The following WWOX variants were observed in gnomAD, a reference collection of about 807,000 sequenced individuals.
WWOX encodes WW domain-containing oxidoreductase.
WWOX carries 69 observed loss-of-function variants against 46.2 expected under a neutral mutation model. The observed-to-expected ratio is 1.49, with a 90% CI of 1.23 to 1.82. WWOX has a LOEUF of 1.82. Among genes scored for constraint, WWOX ranks in the 40% most tolerant of loss-of-function variants. The pLI is 0.00. For missense variants in WWOX, 919 were observed against 542.6 expected (o/e 1.69, Z -6.89); for synonymous variants, 359 against 202.6 (o/e 1.77, Z -6.56).
intron 5 of WWOX, among the ~76,000 whole-genome samples, chr16:78,197,448 CT>C (rs1226037098): frequency 6.6e-6 from 1 of 152,184 alleles, no homozygotes; most frequent in South Asian, 2.1e-4. Flanking sequence ...CATTTTGTAA[CT>C]TTTTTGACTG....
chr16:78,558,150 C>G (rs985242140), intron 8 of WWOX, among the ~76,000 whole-genome samples: 1 of 152,158 alleles, frequency 6.6e-6, no homozygotes, highest in African/African-American at 2.4e-5. Context: ...TGGGCAGCAG[C>G]TGCCCTGGCT....
intron 5 of WWOX, among the ~76,000 whole-genome samples, chr16:78,220,274 A>G (rs539043736): frequency 1.3e-5 from 2 of 152,240 alleles, no homozygotes; most frequent in East Asian, 1.9e-4. Context: ...TGTGATGGAT[A>G]CTTCTATTAC....
Position 79,131,047 on chromosome 16 carries a change from C to G in WWOX, c.1057-80561C>G, listed in dbSNP as rs367753845. Among the ~76,000 whole-genome samples, 5 of 152,186 alleles carry G rather than the reference C, an allele frequency of 3.3e-5. No homozygotes were observed. The East Asian group carries it at 5.8e-4, about 18-fold the overall frequency. On this transcript the variant is annotated intron_variant, in intron 8 of 8. Coordinates refer to ENST00000566780, the MANE Select transcript of WWOX (RefSeq NM_016373.4). The stretch of plus-strand genomic sequence containing the variant: ...ATATCACAACCAGAACACACAATGA[C>G]CAGCAGGCTTCTCTTTTTTTGTTTG...
At chr16:78,782,038 G>A (rs1183575065) in intron 8 of WWOX, among the ~76,000 whole-genome samples, 2 of 152,190 alleles carry the variant, frequency 1.3e-5, no homozygotes, top group Non-Finnish European at 2.9e-5. Context: ...AGATTTTGGT[G>A]AACTCTCTGT....
chr16:79,042,199 G>T (rs545845709), intron 8 of WWOX, among the ~76,000 whole-genome samples: 1 of 151,990 alleles, frequency 6.6e-6, no homozygotes, highest in Admixed American at 6.5e-5. Context: ...CCTAGCTGGG[G>T]TTGGAAACTC....
chr16:78,636,923 C>G (rs1289324148), intron 8 of WWOX, among the ~76,000 whole-genome samples: 1 of 152,148 alleles, frequency 6.6e-6, no homozygotes, highest in African/African-American at 2.4e-5. Flanking sequence ...AGTTAAAACT[C>G]CTTATCTGGT....
chr16:78,406,166 C>A (rs2082526951), intron 6 of WWOX, among the ~76,000 whole-genome samples: 1 of 151,174 alleles, frequency 6.6e-6, no homozygotes. Flanking sequence ...GTCATTTTTG[C>A]AAAATCACTG....
intron 8 of WWOX, among the ~76,000 whole-genome samples, chr16:78,624,197 T>C (rs957495210): frequency 6.8e-6 from 1 of 147,852 alleles, no homozygotes; most frequent in Non-Finnish European, 1.5e-5. Flanking sequence ...TATTTATTTA[T>C]TTTCTAATCT....
At position 79,110,091 on chromosome 16, in the gene WWOX, A is replaced by G. The variant is rs116601224; in HGVS notation, c.1057-101517A>G. Among the ~76,000 whole-genome samples the G allele has an allele frequency of 8.5e-3, 1,297 of 152,282 alleles. 12 individuals are homozygous for G. The highest frequency in any genetic ancestry group is 0.029 in the African/African-American group (1,206 of 41,542). On this transcript the variant is annotated intron_variant, in intron 8 of 8. Transcript: ENST00000566780. ...TTATTGGGCTTTCAGACTTTCGCTT[A>G]GCAACCTCATTGCACCCAGGACCCC...
intron 8 of WWOX, among the ~76,000 whole-genome samples, chr16:78,988,730 G>T (rs901960352): frequency 6.6e-6 from 1 of 152,196 alleles, no homozygotes; most frequent in African/African-American, 2.4e-5. Flanking sequence ...GGAGATTCCT[G>T]CATAGCTGTC....
chr16:78,681,839 G>T (rs1279034674), intron 8 of WWOX, among the ~76,000 whole-genome samples: 2 of 152,150 alleles, frequency 1.3e-5, no homozygotes, highest in Non-Finnish European at 2.9e-5. Flanking sequence ...TTCAACTTTG[G>T]TGTGAGACTC....
intron 6 of WWOX, among the ~76,000 whole-genome samples, chr16:78,399,000 G>C (rs1280833639): frequency 1.3e-5 from 2 of 151,972 alleles, no homozygotes; most frequent in African/African-American, 4.8e-5. Flanking sequence ...GTACAAGGAA[G>C]GGGATGAGTG....
intron 8 of WWOX, among the ~76,000 whole-genome samples, chr16:78,867,484 T>TTG (rs4035599): frequency 0.13 from 19,551 of 148,844 alleles, 1,474 homozygotes; most frequent in East Asian, 0.39. Flanking sequence ...TTAAATGATT[T>TTG]TGTGTGTGTG....
intron 1 of WWOX, chr16:78,100,310 G>A: frequency 1.0e-6 from 1 of 989,746 alleles, no homozygotes; most frequent in Non-Finnish European, 1.2e-6. Flanking sequence ...TGGAGTGCAG[G>A]GGTGCCATCA....
intron 8 of WWOX, among the ~76,000 whole-genome samples, chr16:79,133,567 A>T (rs2150700808): frequency 6.6e-6 from 1 of 152,254 alleles, no homozygotes; most frequent in East Asian, 1.9e-4. Flanking sequence ...CTGTTTCTTT[A>T]TTATTTTAAT....
chr16:78,410,437 C>G (rs1031094087), intron 6 of WWOX, among the ~76,000 whole-genome samples: 9 of 152,122 alleles, frequency 5.9e-5, no homozygotes, highest in East Asian at 3.9e-4. Flanking sequence ...TTCCCAGTTA[C>G]TATTTTTGTG....
chr16:78,985,902 C>G (rs547330935), intron 8 of WWOX, among the ~76,000 whole-genome samples: 122 of 152,342 alleles, frequency 8.0e-4, no homozygotes, highest in Admixed American at 2.2e-3. Flanking sequence ...TCCCGTCAGC[C>G]AGGATCCCTC....
chr16:78,472,836 A>AAAAAAAAAAAT (rs1421843878), intron 8 of WWOX, among the ~76,000 whole-genome samples: 1 of 135,532 alleles, frequency 7.4e-6, no homozygotes, highest in African/African-American at 2.8e-5. Context: ...AAAAAAAAAA[A>AAAAAAAAAAAT]TTATGTCATT....
At chr16:78,398,761 G>C (rs1370053307) in intron 6 of WWOX, among the ~76,000 whole-genome samples, 1 of 152,142 alleles carries the variant, frequency 6.6e-6, no homozygotes, top group Non-Finnish European at 1.5e-5. Flanking sequence ...AATTTCATCA[G>C]CAAAGATGGG....
Sources: gnomAD v4.1 joint callset for allele counts (sites outside exome capture counted in the v4.1 genomes callset) on GRCh38, gnomAD v4.1.1 for gene constraint, MANE v1.5 for transcripts, NCBI Gene and HGNC (gene_info 2026-07-23, HGNC 2026-07-21) for gene names.